The following ADAMTS17 variants were observed in gnomAD, a reference collection of about 807,000 sequenced individuals.
ADAMTS17 encodes ADAM metallopeptidase with thrombospondin type 1 motif 17.
In ADAMTS17, 113 loss-of-function variants were observed where a neutral mutation model predicts 141.5. The observed-to-expected ratio is 0.80, with a 90% CI of 0.69 to 0.93. The LOEUF is 0.93. ADAMTS17 is among the 40% of genes least tolerant of loss of function. ADAMTS17 has a pLI of 0.00. For missense variants in ADAMTS17, 1,659 were observed against 1,517.9 expected (o/e 1.09, Z -1.54); for synonymous variants, 768 against 630.6 (o/e 1.22, Z -3.27).
At chr15:100,076,250 G>C (rs4965276) in intron 15 of ADAMTS17, among the ~76,000 whole-genome samples, 133,075 of 152,080 alleles carry the variant, frequency 0.88, 59,016 homozygotes, top group South Asian at 0.97. Flanking sequence ...ACTATGTTGG[G>C]CAGGCTGGTC....
At chr15:100,323,990 G>A (rs967239044) in intron 3 of ADAMTS17, among the ~76,000 whole-genome samples, 7 of 147,546 alleles carry the variant, frequency 4.7e-5, no homozygotes, top group African/African-American at 7.5e-5. Flanking sequence ...AGGGGAGAAC[G>A]CCATCAGTCA....
chr15:100,074,812 A>T (rs951985738), intron 15 of ADAMTS17, among the ~76,000 whole-genome samples: 1 of 152,140 alleles, frequency 6.6e-6, no homozygotes, highest in Non-Finnish European at 1.5e-5. Context: ...AATTTTTTCA[A>T]TCATTCATTT....
chr15:100,187,123 C>T lies in ADAMTS17; in HGVS notation c.1181+12195G>A, dbSNP rs538356928. ...CATCACCCAGGACCTCAGCTCCCAC[C>T]GGTACAAGGTGCACTGCACATCCCT... On this transcript the variant is annotated intron_variant, in intron 8 of 21. Coordinates refer to ENST00000268070, the MANE Select transcript of ADAMTS17 (RefSeq NM_139057.4). 9.9e-4 allele frequency among the ~76,000 whole-genome samples: 151 copies of T among 152,306 alleles called. 1 individual carries two copies. The highest frequency in any genetic ancestry group is 2.5e-3 in the South Asian group (12 of 4,814).
At chr15:100,069,040 G>T (rs1427021182) in intron 15 of ADAMTS17, among the ~76,000 whole-genome samples, 1 of 152,188 alleles carries the variant, frequency 6.6e-6, no homozygotes, top group Non-Finnish European at 1.5e-5. Context: ...ATGCAGAGAA[G>T]TCCTTAAAGG....
chr15:100,073,820 C>T (rs111259913), intron 15 of ADAMTS17, among the ~76,000 whole-genome samples: 5,898 of 150,392 alleles, frequency 0.039, 416 homozygotes, highest in African/African-American at 0.14. Flanking sequence ...TGTTAAATAA[C>T]GAGTTGATGG....
chr15:100,210,892 G>C (rs542150810), intron 7 of ADAMTS17, among the ~76,000 whole-genome samples: 36 of 152,218 alleles, frequency 2.4e-4, no homozygotes, highest in Admixed American at 2.2e-3. Context: ...ACGAGGTCAG[G>C]AGATCGAGAC....
intron 14 of ADAMTS17, among the ~76,000 whole-genome samples, chr15:100,098,155 G>C (rs918193700): frequency 6.6e-6 from 1 of 152,174 alleles, no homozygotes; most frequent in Non-Finnish European, 1.5e-5. Context: ...GATGGTGGCT[G>C]GGGAGATGTA....
In ADAMTS17 at chr15:100,031,350, G is replaced by C. The variant is rs145468892; in HGVS notation, c.2591+17507C>G. 2.0e-5 allele frequency among the ~76,000 whole-genome samples: 3 copies of C among 152,366 alleles called. No individual in the cohort carries two copies. The East Asian group carries it at 5.8e-4, about 29-fold the overall frequency. On this transcript the variant is annotated intron_variant, in intron 18 of 21. Transcript: ENST00000268070. ...AAACAAATCCATTTCAATAAAGGCT[G>C]CTGTAAAGCATGAGCAGGTAAAGGA...
At position 100,280,946 on chromosome 15, in the gene ADAMTS17, T is replaced by C. The variant is rs7496894; in HGVS notation, c.789+283A>G. Reference sequence around the variant, plus strand: ...ACTTTGCCGCTTGGAGTGGGTCTTATACTTTTGGGAAGGAAGCCTTCTGGT... The same window carrying C: ...ACTTTGCCGCTTGGAGTGGGTCTTACACTTTTGGGAAGGAAGCCTTCTGGT... On this transcript the variant is annotated intron_variant, in intron 4 of 21. Transcript: ENST00000268070. Among the ~76,000 whole-genome samples, 62,875 of 151,952 alleles carry C rather than the reference T, an allele frequency of 0.41. 13,668 individuals are homozygous for C. Among genetic ancestry groups the C allele is most frequent in the South Asian group, 0.58 (2,781 of 4,818 alleles).
intron 19 of ADAMTS17, among the ~76,000 whole-genome samples, chr15:99,996,664 G>C (rs2060808574): frequency 6.6e-6 from 1 of 152,170 alleles, no homozygotes; most frequent in African/African-American, 2.4e-5. Context: ...GCAATAGAGG[G>C]AACTTTAAAA....
At chr15:100,300,969 T>G (rs2045011972) in intron 3 of ADAMTS17, among the ~76,000 whole-genome samples, 1 of 152,246 alleles carries the variant, frequency 6.6e-6, no homozygotes, top group Non-Finnish European at 1.5e-5. Flanking sequence ...GTGTTTAATG[T>G]TAGCCTCTTC....
At chr15:100,142,820 G>C (rs1407183727) in intron 10 of ADAMTS17, among the ~76,000 whole-genome samples, 1 of 152,198 alleles carries the variant, frequency 6.6e-6, no homozygotes, top group Non-Finnish European at 1.5e-5. Context: ...ACCTTCCAAT[G>C]CCTATAACCA....
chr15:100,070,837 A>C (rs1175369189), intron 15 of ADAMTS17, among the ~76,000 whole-genome samples: 8 of 149,782 alleles, frequency 5.3e-5, no homozygotes, highest in Non-Finnish European at 1.0e-4. Context: ...AAAGAACTAG[A>C]GAAGCAAGAG....
intron 18 of ADAMTS17, among the ~76,000 whole-genome samples, chr15:100,022,809 G>A (rs1204425070): frequency 1.3e-5 from 2 of 152,170 alleles, no homozygotes; most frequent in Admixed American, 1.3e-4. Flanking sequence ...AATTTTAATA[G>A]CTAATGAGCT....
rs2042689646 is a variant in ADAMTS17, at chr15:100,237,334, T to TG, written c.1075+16801dup. Among the ~76,000 whole-genome samples the TG allele has an allele frequency of 2.6e-5, 4 of 152,188 alleles. No homozygotes were observed. The South Asian group carries it at 8.3e-4, about 31-fold the overall frequency. On this transcript the variant is annotated intron_variant, in intron 7 of 21. Transcript: ENST00000268070. ...TTCTGCTCTTTGCTTTAACTGCTTT[T>TG]GGGGTCTCACTTCCCTGCCTTTACC...
chr15:100,131,099 C>T lies in ADAMTS17; in HGVS notation c.1721+908G>A, dbSNP rs555640636. ...GGATGAAGCTGAAAAACATCATTCTCAGCAAACTAACACAGGAACAGAAAA... is the reference window on the plus strand; with the variant it reads ...GGATGAAGCTGAAAAACATCATTCTTAGCAAACTAACACAGGAACAGAAAA... On this transcript the variant is annotated intron_variant, in intron 12 of 21. Transcript: ENST00000268070. Among the ~76,000 whole-genome samples the T allele has an allele frequency of 3.9e-5, 6 of 152,172 alleles. No individual in the cohort carries two copies. The South Asian group carries it at 1.2e-3, about 32-fold the overall frequency.
chr15:99,974,439 T>C lies in ADAMTS17; in HGVS notation c.3251A>G (p.Tyr1084Cys), dbSNP rs376693261. The C allele has an allele frequency of 6.2e-6, 10 of 1,614,080 alleles. No homozygotes were observed. Among genetic ancestry groups the C allele is most frequent in the African/African-American group, 1.3e-5 (1 of 74,932 alleles). The change falls in exon 22 of 22, where the codon TAT becomes TGT. Residue 1084 changes from tyrosine to cysteine, a missense_variant. Tyr to Cys is a radical substitution (Grantham distance 194, BLOSUM62 -2). Coordinates refer to ENST00000268070, the MANE Select transcript of ADAMTS17 (RefSeq NM_139057.4). ...QRCCQTCRDF[Y>C]ANKMRQPPPN... ...CGGTGGCTGGCGCATCTTGTTTGCA[T>C]AGAAGTCCCTGCAGGTCTGGCAGCA...
At chr15:100,225,180 G>A (rs4965600) in intron 7 of ADAMTS17, among the ~76,000 whole-genome samples, 73,815 of 152,166 alleles carry the variant, frequency 0.49, 19,630 homozygotes, top group Non-Finnish European at 0.61. Context: ...TAACCATCTT[G>A]GTAAAAGCCT....
intron 3 of ADAMTS17, among the ~76,000 whole-genome samples, chr15:100,308,522 T>C (rs2045299883): frequency 6.6e-6 from 1 of 152,240 alleles, no homozygotes; most frequent in Admixed American, 6.5e-5. Flanking sequence ...CTTTTTTTGC[T>C]ATTGCTAAAT....
Sources: allele counts gnomAD v4.1 joint callset (sites outside exome capture counted in the v4.1 genomes callset), GRCh38; gene constraint gnomAD v4.1.1; transcripts MANE v1.5; gene names NCBI Gene and HGNC (gene_info 2026-07-23, HGNC 2026-07-21).